The following SDCCAG8 variants were observed in gnomAD, a reference collection of about 807,000 sequenced individuals.
SDCCAG8 encodes serologically defined colon cancer antigen 8.
SDCCAG8 carries 74 observed loss-of-function variants against 101.8 expected under a neutral mutation model. That is an observed-to-expected ratio of 0.73 (90% confidence interval 0.60 to 0.88). The LOEUF (loss-of-function observed/expected upper bound fraction) is 0.88. Ranked by LOEUF, SDCCAG8 falls within the 40% of genes least tolerant of loss-of-function variation. The pLI, the probability that SDCCAG8 is intolerant of heterozygous loss-of-function variation, is 0.00. For synonymous variants in SDCCAG8, 281 were observed against 292.9 expected (o/e 0.96, Z 0.41); for missense variants, 787 against 822.6 (o/e 0.96, Z 0.53).
At chr1:243,351,782 G>A (rs1364965301) in intron 12 of SDCCAG8, among the ~76,000 whole-genome samples, 2 of 152,178 alleles carry the variant, frequency 1.3e-5, no homozygotes, top group African/African-American at 2.4e-5. Flanking sequence ...AAAAGTCTAA[G>A]TTATTGATTG....
At chr1:243,483,933 A>G (rs1240236939) in intron 16 of SDCCAG8, among the ~76,000 whole-genome samples, 1 of 152,084 alleles carries the variant, frequency 6.6e-6, no homozygotes, top group Non-Finnish European at 1.5e-5. Context: ...AACTCCCCAC[A>G]CTGACAATCT....
intron 16 of SDCCAG8, among the ~76,000 whole-genome samples, chr1:243,433,651 G>C (rs569652951): frequency 1.7e-3 from 255 of 152,240 alleles, no homozygotes; most frequent in African/African-American, 5.9e-3. Context: ...AGACCTAAAG[G>C]TCTGTTATTG....
intron 9 of SDCCAG8, among the ~76,000 whole-genome samples, chr1:243,329,071 C>T (rs1003636811): frequency 6.6e-6 from 1 of 151,920 alleles, no homozygotes; most frequent in African/African-American, 2.4e-5. Context: ...AGAGCAATTA[C>T]ATTTTGAATC....
Position 243,458,576 on chromosome 1 carries a change from A to G in SDCCAG8, c.1986-30438A>G, listed in dbSNP as rs184922101. Among the ~76,000 whole-genome samples, 109 of 152,256 alleles carry G rather than the reference A, an allele frequency of 7.2e-4. 1 individual carries two copies. Among genetic ancestry groups the G allele is most frequent in the African/African-American group, 2.5e-3 (105 of 41,536 alleles). Reference sequence around the variant, plus strand: ...GAGTACTAGCAATATCCCCATTTTAACAATGAGGAAACTGAGGCACAGTGA... The same window carrying G: ...GAGTACTAGCAATATCCCCATTTTAGCAATGAGGAAACTGAGGCACAGTGA... On this transcript the variant is annotated intron_variant, in intron 16 of 17. Transcript: ENST00000366541. This position sits in a 1 kb window ranked among gnomAD's most constrained non-coding sequence, Gnocchi z 4.5.
intron 17 of SDCCAG8, among the ~76,000 whole-genome samples, chr1:243,493,409 A>G (rs953984514): frequency 1.3e-5 from 2 of 152,188 alleles, no homozygotes; most frequent in Non-Finnish European, 2.9e-5. Flanking sequence ...CATCTGGGAC[A>G]GGGGAAAACA....
At chr1:243,403,901 A>G (rs980356102) in intron 13 of SDCCAG8, among the ~76,000 whole-genome samples, 1 of 152,230 alleles carries the variant, frequency 6.6e-6, no homozygotes, top group Admixed American at 6.5e-5. Flanking sequence ...ATGCAGTCGA[A>G]TCATCCCCAC....
At chr1:243,381,433 C>A (rs965721357) in intron 13 of SDCCAG8, among the ~76,000 whole-genome samples, 5 of 151,890 alleles carry the variant, frequency 3.3e-5, no homozygotes, top group Admixed American at 3.3e-4. Flanking sequence ...TACAAAAAAA[C>A]AAAAAATATT....
At chr1:243,330,118 AT>A (rs1252906526) in intron 9 of SDCCAG8, among the ~76,000 whole-genome samples, 1 of 152,172 alleles carries the variant, frequency 6.6e-6, no homozygotes, top group African/African-American at 2.4e-5. Flanking sequence ...TTGATCTATC[AT>A]TTGAAGTATT....
intron 6 of SDCCAG8, among the ~76,000 whole-genome samples, chr1:243,300,290 C>G (rs1291128482): frequency 6.6e-6 from 1 of 152,078 alleles, no homozygotes; most frequent in East Asian, 1.9e-4. Flanking sequence ...TTTTTCTCCC[C>G]TATATCTATT....
At chr1:243,482,457 C>T (rs1444634543) in intron 16 of SDCCAG8, among the ~76,000 whole-genome samples, 1 of 152,202 alleles carries the variant, frequency 6.6e-6, no homozygotes, top group African/African-American at 2.4e-5. Context: ...CCTGGGATGC[C>T]CTTGCGTGGA....
At chr1:243,280,169 G>A (rs2068907519) in intron 4 of SDCCAG8, among the ~76,000 whole-genome samples, 1 of 152,054 alleles carries the variant, frequency 6.6e-6, no homozygotes, top group South Asian at 2.1e-4. Flanking sequence ...TCATCTAGGT[G>A]ACTAAATTCA....
chr1:243,456,517 G>A (rs1019241384), intron 16 of SDCCAG8, among the ~76,000 whole-genome samples: 3 of 152,160 alleles, frequency 2.0e-5, no homozygotes, highest in Non-Finnish European at 4.4e-5. Flanking sequence ...GAGAGGCTCT[G>A]CTTAGAGAGA....
intron 12 of SDCCAG8, among the ~76,000 whole-genome samples, chr1:243,360,417 G>T (rs1381537516): frequency 4.6e-5 from 7 of 151,820 alleles, no homozygotes; most frequent in Non-Finnish European, 8.8e-5. Flanking sequence ...CTCCCAAAAT[G>T]CTGGGATTAC....
At chr1:243,355,766 C>T (rs1431986620) in intron 12 of SDCCAG8, among the ~76,000 whole-genome samples, 5 of 152,062 alleles carry the variant, frequency 3.3e-5, no homozygotes, top group East Asian at 1.9e-4. Flanking sequence ...CCACCACACC[C>T]GGCTAATTCT....
intron 12 of SDCCAG8, among the ~76,000 whole-genome samples, chr1:243,358,695 A>G (rs1014326777): frequency 3.3e-5 from 5 of 152,210 alleles, no homozygotes; most frequent in Non-Finnish European, 7.4e-5. Flanking sequence ...CAAACTGCCA[A>G]TACCCCAAAT....
Position 243,293,151 on chromosome 1 carries a change from A to G in SDCCAG8, c.607A>G (p.Lys203Glu), listed in dbSNP as rs1456606708. The G allele has an allele frequency of 6.2e-7, 1 of 1,614,078 alleles. No homozygotes were observed. The highest frequency in any genetic ancestry group is 1.7e-5 in the Admixed American group (1 of 60,008). Residue 203 changes from lysine to glutamate, a missense_variant, in exon 6 of 18, where the codon AAA becomes GAA. Lys to Glu is a moderately conservative substitution (Grantham distance 56). Coordinates refer to ENST00000366541, the MANE Select transcript of SDCCAG8 (RefSeq NM_006642.5). ...AGATTCTGGGGTGGGCGAAACCTCC[A>G]AAAGACCATTTTCCCATGACAATGC... The part of the protein sequence containing the change: ...GEDSGVGETS[K>E]RPFSHDNADF...
Position 243,322,574 on chromosome 1 carries a change from G to A in SDCCAG8, c.1068+5681G>A, listed in dbSNP as rs545839736. 3.3e-5 allele frequency among the ~76,000 whole-genome samples: 5 copies of A among 152,208 alleles called. No homozygotes were observed. The East Asian group carries it at 9.7e-4, about 29-fold the overall frequency. On this transcript the variant is annotated intron_variant, in intron 9 of 17. Transcript: ENST00000366541. Reference sequence around the variant, plus strand: ...TTGGTTACAAAATCTCTGGTGTTACGGAATTTCTCCACCCTGATCACTGTT... The same window carrying A: ...TTGGTTACAAAATCTCTGGTGTTACAGAATTTCTCCACCCTGATCACTGTT...
intron 16 of SDCCAG8, among the ~76,000 whole-genome samples, chr1:243,442,837 C>T (rs926815183): frequency 6.6e-6 from 1 of 152,198 alleles, no homozygotes; most frequent in African/African-American, 2.4e-5. Context: ...AAATGTTTGG[C>T]TGTGTACCTC....
At chr1:243,297,765 A>G (rs2071077435) in intron 6 of SDCCAG8, among the ~76,000 whole-genome samples, 1 of 152,070 alleles carries the variant, frequency 6.6e-6, no homozygotes, top group African/African-American at 2.4e-5. Context: ...TATCCTTCTT[A>G]TTATTTTTAT....
Sources: allele counts gnomAD v4.1 joint callset (sites outside exome capture counted in the v4.1 genomes callset), GRCh38; gene constraint gnomAD v4.1.1; non-coding constraint Gnocchi (gnomAD v3.1); transcripts MANE v1.5; gene names NCBI Gene and HGNC (gene_info 2026-07-23, HGNC 2026-07-21).